The following CPXM2 variants were observed in gnomAD, a reference collection of about 807,000 sequenced individuals.
CPXM2 encodes carboxypeptidase X, M14 family member 2, also known as inactive carboxypeptidase-like protein X2.
Under a neutral mutation model 86.1 loss-of-function variants are expected in CPXM2, and 66 were observed. That is an observed-to-expected ratio of 0.77 (90% CI 0.63 to 0.94). The LOEUF (loss-of-function observed/expected upper bound fraction) is 0.94, where lower values mean the gene tolerates loss of function less well. Ranked by LOEUF, CPXM2 falls within the 40% of genes least tolerant of loss-of-function variation. The pLI, the probability that CPXM2 is intolerant of heterozygous loss-of-function variation, is 0.00. For synonymous variants in CPXM2, 388 were observed against 400.2 expected (o/e 0.97, Z 0.36); for missense variants, 948 against 1,026.3 (o/e 0.92, Z 1.04).
At chr10:123,905,924 C>T (rs1394499419) in intron 2 of CPXM2, among the ~76,000 whole-genome samples, 1 of 152,144 alleles carries the variant, frequency 6.6e-6, no homozygotes, top group African/African-American at 2.4e-5. Context: ...GGCTGATGTC[C>T]AGAGCCCGAG....
At chr10:123,830,234 G>C (rs907052913) in intron 4 of CPXM2, among the ~76,000 whole-genome samples, 1 of 152,124 alleles carries the variant, frequency 6.6e-6, no homozygotes, top group Non-Finnish European at 1.5e-5. Flanking sequence ...GGGGAAATAC[G>C]AGTAGCTCAA....
chr10:123,853,320 T>C (rs1342073651), intron 3 of CPXM2, among the ~76,000 whole-genome samples: 2 of 152,250 alleles, frequency 1.3e-5, no homozygotes, highest in Non-Finnish European at 2.9e-5. Flanking sequence ...CAGCCGTTTC[T>C]TTATAGCAGT....
chr10:123,773,368 G>C (rs1846701026), intron 7 of CPXM2, among the ~76,000 whole-genome samples: 1 of 151,826 alleles, frequency 6.6e-6, no homozygotes, highest in African/African-American at 2.4e-5. Flanking sequence ...CATTCCCCTG[G>C]TTGTGGTTAT....
intron 4 of CPXM2, among the ~76,000 whole-genome samples, chr10:123,814,155 A>G (rs1847758384): frequency 6.6e-6 from 1 of 152,180 alleles, no homozygotes; most frequent in African/African-American, 2.4e-5. Context: ...TGAAGGATGC[A>G]AAGTATTGAA....
intron 2 of CPXM2, among the ~76,000 whole-genome samples, chr10:123,866,429 G>T (rs1308440172): frequency 6.6e-6 from 1 of 152,150 alleles, no homozygotes; most frequent in Non-Finnish European, 1.5e-5. Context: ...AGCCAGGTGT[G>T]GTGGTACACG....
At chr10:123,752,327 G>A (rs1024971590) in intron 13 of CPXM2, 3 of 984,708 alleles carry the variant, frequency 3.0e-6, no homozygotes, top group Non-Finnish European at 3.6e-6. Context: ...AAGCCTCATG[G>A]TTCATGGCTA....
chr10:123,775,659 C>T (rs1007338428), intron 7 of CPXM2, among the ~76,000 whole-genome samples: 2 of 152,204 alleles, frequency 1.3e-5, no homozygotes, highest in African/African-American at 4.8e-5. Flanking sequence ...ACTTTCCCAC[C>T]GATGGCAAAG....
intron 1 of CPXM2, among the ~76,000 whole-genome samples, chr10:123,883,398 G>C (rs1239992978): frequency 6.6e-6 from 1 of 152,168 alleles, no homozygotes; most frequent in Non-Finnish European, 1.5e-5. Flanking sequence ...GTATGTCCTG[G>C]GATGACCTCA....
chr10:123,888,126 T>C (rs1249183134), intron 1 of CPXM2, among the ~76,000 whole-genome samples: 3 of 152,272 alleles, frequency 2.0e-5, no homozygotes, highest in South Asian at 4.1e-4. Context: ...AAATCCCCAA[T>C]GCCCTTGGCT....
Position 123,891,293 on chromosome 10 carries a change from G to T in CPXM2, c.304+63C>A, listed in dbSNP as rs1319519406. On this transcript the variant is annotated intron_variant, in intron 1 of 13. Transcript: ENST00000241305. This position sits in a 1 kb window ranked among gnomAD's most constrained non-coding sequence, Gnocchi z 5.6. The stretch of plus-strand genomic sequence containing the variant: ...ACACACACAATGGGAGAAGCCAGTT[G>T]TCCCCTGGAGGCGCGCAACCACCGG... 2.3e-6 allele frequency: 3 copies of T among 1,328,290 alleles called. No individual in the cohort carries two copies. The East Asian group carries it at 8.1e-5, about 36-fold the overall frequency. The allele number at this position is 1,328,290 out of a possible 1,614,324, so 82.3% of individuals were successfully genotyped here.
In CPXM2 at chr10:123,940,065, C is replaced by CATCG. The variant is rs1334531755; in HGVS notation, n.119+80_119+83dup. 3.9e-5 allele frequency: 6 copies of CATCG among 152,512 alleles called. No individual in the cohort carries two copies. The East Asian group carries it at 1.2e-3, about 29-fold the overall frequency. 9.4% of individuals were successfully genotyped at this position (152,512 alleles called of 1,614,324 possible). A position where few individuals can be genotyped will look rare whatever the true frequency, so the allele number is the denominator to read the frequency against. ...CATCCCTCAGTCCCAGAACCACAGT[C>CATCG]ATCGACACATCCTGGCTGTAAAGCT... is the stretch of plus-strand genomic sequence containing the variant. On this transcript the variant is annotated intron_variant and non_coding_transcript_variant, in intron 1 of 19. Transcript: ENST00000368854.
intron 4 of CPXM2, among the ~76,000 whole-genome samples, chr10:123,830,594 T>C (rs1848143194): frequency 6.6e-6 from 1 of 152,148 alleles, no homozygotes; most frequent in African/African-American, 2.4e-5. Flanking sequence ...TTAGGCCAGT[T>C]CTCTGCTGGA....
chr10:123,849,360 A>G (rs1318241474), intron 3 of CPXM2, among the ~76,000 whole-genome samples: 1 of 151,410 alleles, frequency 6.6e-6, no homozygotes, highest in African/African-American at 2.4e-5. Context: ...CATTATTTCT[A>G]CTTCCTGCTG....
intron 2 of CPXM2, among the ~76,000 whole-genome samples, chr10:123,876,221 A>C (rs567429038): frequency 2.0e-5 from 3 of 152,334 alleles, no homozygotes; most frequent in East Asian, 1.9e-4. Context: ...CCACCTGAGC[A>C]TATGTAGAGC....
chr10:123,808,035 C>T (rs1422070775), intron 4 of CPXM2, among the ~76,000 whole-genome samples: 1 of 152,168 alleles, frequency 6.6e-6, no homozygotes, highest in Non-Finnish European at 1.5e-5. Flanking sequence ...CCATCTCCCT[C>T]ACTTAAAAAA....
intron 4 of CPXM2, among the ~76,000 whole-genome samples, chr10:123,821,651 TG>T (rs1024536024): frequency 6.6e-6 from 1 of 152,146 alleles, no homozygotes; most frequent in African/African-American, 2.4e-5. Context: ...GGCTGTCAAA[TG>T]GGGGTAATGT....
intron 2 of CPXM2, among the ~76,000 whole-genome samples, chr10:123,921,992 G>C (rs570090572): frequency 6.6e-6 from 1 of 152,260 alleles, no homozygotes; most frequent in South Asian, 2.1e-4. Context: ...ACAACCCTTT[G>C]AATCTGTTCC....
At chr10:123,819,769 T>C (rs867355505) in intron 4 of CPXM2, among the ~76,000 whole-genome samples, 1 of 152,194 alleles carries the variant, frequency 6.6e-6, no homozygotes, top group Non-Finnish European at 1.5e-5. Context: ...GAGATGTGTA[T>C]GGGTTCAAAT....
chr10:123,761,964 A>C lies in CPXM2; in HGVS notation c.1685T>G (p.Met562Arg). Residue 562 changes from methionine (M) to arginine (R), a missense_variant, in exon 11 of 14, where the codon ATG becomes AGG. By Grantham distance (91) the Met-to-Arg change is moderately conservative. Coordinates refer to ENST00000241305, the MANE Select transcript of CPXM2 (RefSeq NM_198148.3). Reference sequence around the variant, plus strand: ...GCACACCCTCCTCCGGGCGTCTGTCATGAGGCGGTGTGTGGAGGCATAGGA... The same window carrying C: ...GCACACCCTCCTCCGGGCGTCTGTCCTGAGGCGGTGTGTGGAGGCATAGGA... ...AYSYASTHRL[M>R]TDARRRVCHT... 1 of 1,613,844 alleles carries C rather than the reference A, an allele frequency of 6.2e-7. No individual in the cohort carries two copies. The highest frequency in any genetic ancestry group is 8.5e-7 in the Non-Finnish European group (1 of 1,179,880).
Sources: allele counts gnomAD v4.1 joint callset (sites outside exome capture counted in the v4.1 genomes callset), GRCh38; gene constraint gnomAD v4.1.1; non-coding constraint Gnocchi (gnomAD v3.1); transcripts MANE v1.5; gene names NCBI Gene and HGNC (gene_info 2026-07-23, HGNC 2026-07-21).